The following RGSL1 variants were observed in gnomAD, a reference collection of about 807,000 sequenced individuals.
RGSL1 encodes the protein regulator of G protein signaling like 1.
A neutral mutation model predicts 124.7 loss-of-function variants in RGSL1; 97 were observed. The ratio of observed to expected loss-of-function variants is 0.78; its 90% confidence interval spans 0.66 to 0.92. The LOEUF (loss-of-function observed/expected upper bound fraction) is 0.92, where lower values mean the gene tolerates loss of function less well. Among genes scored for constraint, RGSL1 ranks in the 40% least tolerant of loss-of-function variants. The pLI, the probability that RGSL1 is intolerant of heterozygous loss-of-function variation, is 0.00. For synonymous variants in RGSL1, 424 were observed against 438.1 expected, an observed-to-expected ratio of 0.97 and a Z score of 0.40; for missense variants, 1,233 against 1,288.4, an observed-to-expected ratio of 0.96 and a Z score of 0.66.
intron 9 of RGSL1, among the ~76,000 whole-genome samples, chr1:182,520,259 A>T (rs1658234801): frequency 6.6e-6 from 1 of 152,158 alleles, no homozygotes; most frequent in South Asian, 2.1e-4. Flanking sequence ...TCCCTTCATG[A>T]TGAACTATTT....
chr1:182,509,682 T>C (rs1657204430), intron 9 of RGSL1, among the ~76,000 whole-genome samples: 1 of 123,560 alleles, frequency 8.1e-6, no homozygotes, highest in Non-Finnish European at 1.7e-5. Context: ...ACCCCCCACC[T>C]CCCTCCCGGA....
chr1:182,548,178 G>A (rs763324485), intron 15 of RGSL1, 139 bp from the exon 16 acceptor site: 334 of 825,454 alleles, frequency 4.0e-4, no homozygotes, highest in Non-Finnish European at 6.0e-4. Context: ...GATGAATTAT[G>A]ACTGAATGAA....
At chr1:182,450,003 T>C (rs575197319), upstream of RGSL1, 2 of 752,288 alleles carry the variant, frequency 2.7e-6, no homozygotes, top group Admixed American at 2.2e-5. Context: ...TAAAGACTTA[T>C]CTTCAGATTA....
chr1:182,556,526 A>G (rs1005405312), intron 21 of RGSL1, among the ~76,000 whole-genome samples: 1 of 152,200 alleles, frequency 6.6e-6, no homozygotes, highest in African/African-American at 2.4e-5. Context: ...CCATGTCAGA[A>G]TTCATTTATT....
chr1:182,514,220 G>A (rs1657687664), intron 9 of RGSL1, among the ~76,000 whole-genome samples: 1 of 152,084 alleles, frequency 6.6e-6, no homozygotes, highest in Non-Finnish European at 1.5e-5. Context: ...TAAATCCCTG[G>A]TCTATCATGG....
At chr1:182,482,110 C>T (rs1030946149) in intron 6 of RGSL1, among the ~76,000 whole-genome samples, 1 of 152,146 alleles carries the variant, frequency 6.6e-6, no homozygotes, top group African/African-American at 2.4e-5. Flanking sequence ...TGATGCAACT[C>T]ATTAACAGAA....
rs926738951 is a variant in RGSL1 at position 182,502,627 on chromosome 1, G to A, written c.1825+9498G>A. On this transcript the variant is annotated intron_variant, in intron 9 of 21. Coordinates refer to ENST00000294854, the MANE Select transcript of RGSL1 (RefSeq NM_001137669.2). The stretch of plus-strand genomic sequence containing the variant: ...AGCATGCTGTTCTTTATCTAGTTCC[G>A]AATCTGGAAGGCTAGATTATTTACT... 2.6e-5 allele frequency among the ~76,000 whole-genome samples: 4 copies of A among 152,062 alleles called. No homozygotes were observed. In the South Asian group the frequency reaches 6.2e-4, roughly 24 times the overall value.
chr1:182,461,948 T>C (rs1300777320), intron 4 of RGSL1, among the ~76,000 whole-genome samples: 2 of 152,204 alleles, frequency 1.3e-5, no homozygotes, highest in Non-Finnish European at 2.9e-5. Context: ...AAAGAGAATA[T>C]TTGAATATAT....
intron 9 of RGSL1, among the ~76,000 whole-genome samples, chr1:182,497,325 A>T (rs967580847): frequency 4.1e-5 from 6 of 144,974 alleles, no homozygotes; most frequent in Non-Finnish European, 6.0e-5. Flanking sequence ...AGATATATAT[A>T]TTATATATAT....
intron 15 of RGSL1, among the ~76,000 whole-genome samples, chr1:182,547,384 G>A (rs166472): frequency 2.5e-4 from 1 of 4,022 alleles, no homozygotes; most frequent in Non-Finnish European, 9.3e-4. Flanking sequence ...TAAAGGATGT[G>A]GGGGAGGTAA....
At chr1:182,537,226 T>G (rs1659607874) in intron 14 of RGSL1, among the ~76,000 whole-genome samples, 1 of 152,198 alleles carries the variant, frequency 6.6e-6, no homozygotes, top group South Asian at 2.1e-4. Flanking sequence ...CGTAACAGGT[T>G]GCAGTCAAAA....
rs1451248350 is a variant in RGSL1, at chr1:182,556,209, C to A, written c.*152C>A. On this transcript the variant is annotated 3_prime_UTR_variant, in exon 21 of 22. Coordinates refer to ENST00000294854, the MANE Select transcript of RGSL1 (RefSeq NM_001137669.2). ...GGTTGACAGCCCAGATATGGCAGGA[C>A]CAGACTGCAATGGGTAAGACTTGGG... is the stretch of plus-strand genomic sequence containing the variant. 2.8e-6 allele frequency: 2 copies of A among 705,964 alleles called. No individual in the cohort carries two copies. The highest frequency in any genetic ancestry group is 1.9e-5 in the South Asian group (1 of 52,254). The allele number at this position is 705,964 out of a possible 1,614,324, so 43.7% of individuals were successfully genotyped here.
At chr1:182,534,789 T>G (rs1346579170) in intron 14 of RGSL1, among the ~76,000 whole-genome samples, 2 of 151,582 alleles carry the variant, frequency 1.3e-5, no homozygotes, top group South Asian at 4.2e-4. Flanking sequence ...ATTGCACCAC[T>G]GCACTCCAGT....
rs1034969461 is a variant in RGSL1 at position 182,514,559 on chromosome 1, G to A, written c.1826-7445G>A. Among the ~76,000 whole-genome samples, 8 of 152,230 alleles carry A rather than the reference G, an allele frequency of 5.3e-5. 1 individual carries two copies. Among genetic ancestry groups the A allele is most frequent in the East Asian group, 1.9e-4 (1 of 5,162 alleles). On this transcript the variant is annotated intron_variant, in intron 9 of 21. Coordinates refer to ENST00000294854, the MANE Select transcript of RGSL1 (RefSeq NM_001137669.2). ...AATTCTGGAAAACCTCTATATATCT[G>A]TCGGGGTTATCTGGAAACCTGCTAA... is the stretch of plus-strand genomic sequence containing the variant.
intron 5 of RGSL1, among the ~76,000 whole-genome samples, chr1:182,472,923 T>C (rs569114822): frequency 7.2e-5 from 11 of 152,206 alleles, no homozygotes; most frequent in Non-Finnish European, 1.5e-4. Context: ...AAATGCACTG[T>C]ATGTGGCCTG....
At chr1:182,553,052 A>C (rs1660662809) in intron 18 of RGSL1, among the ~76,000 whole-genome samples, 1 of 152,120 alleles carries the variant, frequency 6.6e-6, no homozygotes, top group African/African-American at 2.4e-5. Context: ...TTACAGGTGA[A>C]CACCACCATG....
chr1:182,532,067 G>A (rs1659213194), intron 13 of RGSL1, among the ~76,000 whole-genome samples: 1 of 152,118 alleles, frequency 6.6e-6, no homozygotes, highest in African/African-American at 2.4e-5. Flanking sequence ...AACTGAACTA[G>A]TTAATCAACA....
At chr1:182,491,739 TTA>T (rs1236379629) in intron 8 of RGSL1, among the ~76,000 whole-genome samples, 1 of 152,128 alleles carries the variant, frequency 6.6e-6, no homozygotes, top group East Asian at 1.9e-4. Context: ...CCAGTACTCT[TTA>T]TAGACTCAAA....
chr1:182,477,579 C>A (rs1207130538), intron 6 of RGSL1, among the ~76,000 whole-genome samples: 1 of 152,182 alleles, frequency 6.6e-6, no homozygotes, highest in East Asian at 1.9e-4. Flanking sequence ...CTTTTCCAGA[C>A]TGCTAGCAGC....
Sources: gnomAD v4.1 joint callset for allele counts (sites outside exome capture counted in the v4.1 genomes callset) on GRCh38, gnomAD v4.1.1 for gene constraint, MANE v1.5 for transcripts, NCBI Gene and HGNC (gene_info 2026-07-23, HGNC 2026-07-21) for gene names.